Variants in HSP90B1 observed in about 807,000 individuals in gnomAD.
HSP90B1 encodes the protein endoplasmin.
HSP90B1 carries 27 observed loss-of-function variants against 100.4 expected under a neutral mutation model. The ratio of observed to expected loss-of-function variants is 0.27; its 90% CI spans 0.20 to 0.37. The LOEUF is 0.37. HSP90B1 is among the 10% of genes least tolerant of loss of function. HSP90B1 has a pLI of 1.00. For missense variants in HSP90B1, 678 were observed against 960.5 expected (o/e 0.71, Z 3.89); for synonymous variants, 304 against 330.8 (o/e 0.92, Z 0.88).
intron 12 of HSP90B1, 67 bp downstream of exon 12, chr12:103,942,863 G>A: frequency 6.4e-7 from 1 of 1,567,052 alleles, no homozygotes; most frequent in Non-Finnish European, 8.7e-7. Context: ...GCCAACTCTT[G>A]AGGGGGAGAA....
At chr12:103,945,328 A>G (rs1870195208) in intron 14 of HSP90B1, among the ~76,000 whole-genome samples, 1 of 152,148 alleles carries the variant, frequency 6.6e-6, no homozygotes, top group African/African-American at 2.4e-5. Context: ...AAAAAGAGGA[A>G]AAAAAGCAAG....
Position 103,941,873 on chromosome 12 carries a change from T to A in HSP90B1, c.1350T>A (p.Thr450=). 6.2e-7 allele frequency: 1 copy of A among 1,613,954 alleles called. No individual in the cohort carries two copies. The highest frequency in any genetic ancestry group is 8.5e-7 in the Non-Finnish European group (1 of 1,179,836). The stretch of plus-strand genomic sequence containing the variant: ...TCCCCTTGAATGTTTCCCGCGAGAC[T>A]CTTCAGCAACATAAACTGCTTAAGG... The part of the protein sequence containing the change: ...DDLPLNVSRE[T]LQQHKLLKVI... The change falls in exon 11 of 18, where the codon ACT becomes ACA. Residue 450 remains threonine, a synonymous_variant. Coordinates refer to ENST00000299767, the MANE Select transcript of HSP90B1 (RefSeq NM_003299.3).
Position 103,943,323 on chromosome 12 carries a change from C to T in HSP90B1, c.1890+4C>T, listed in dbSNP as rs2136216801. 6.2e-7 allele frequency: 1 copy of T among 1,612,064 alleles called. No homozygotes were observed. The highest frequency in any genetic ancestry group is 8.5e-7 in the Non-Finnish European group (1 of 1,179,022). ...AGATAAAGCCCTTAAGGACAAGGTA[C>T]TGTGGAAATTACAAATTGTGGAAAT... On this transcript the variant is annotated splice_donor_region_variant and intron_variant, in intron 13 of 17. Transcript: ENST00000299767. This position sits in a 1 kb window ranked among gnomAD's most constrained non-coding sequence, Gnocchi z 5.3.
rs1869790183 is a variant in HSP90B1, at chr12:103,932,290, A to G, written c.166A>G (p.Ile56Val). 1.2e-6 allele frequency: 2 copies of G among 1,610,752 alleles called. No individual in the cohort carries two copies. The highest frequency in any genetic ancestry group is 1.1e-5 in the South Asian group (1 of 90,310). Reference sequence around the variant, plus strand: ...TGATTTCCTTAGAGAGGAAGAAGCTATTCAGTTGGATGGATTAAATGCATC... The same window carrying G: ...TGATTTCCTTAGAGAGGAAGAAGCTGTTCAGTTGGATGGATTAAATGCATC... The part of the protein sequence containing the change: ...DEVVQREEEA[I>V]QLDGLNASQI... The change falls in exon 3 of 18, where the codon ATT becomes GTT. Residue 56 changes from isoleucine (I) to valine (V), a missense_variant. Transcript: ENST00000299767.
rs996947731 is a variant in HSP90B1 at position 103,943,101 on chromosome 12, C to A, written c.1672C>A (p.Leu558Ile). Residue 558 changes from leucine to isoleucine, a missense_variant, in exon 13 of 18, where the codon CTT becomes ATT. This residue lies in a region of HSP90B1 where 170 missense variants were observed against 236.7 expected (regional missense o/e 0.72). Transcript: ENST00000299767. This position sits in a 1 kb window ranked among gnomAD's most constrained non-coding sequence, Gnocchi z 5.3. ...TGAATCTTCTCCATTTGTTGAGCGACTTCTGAAAAAGGGCTATGAAGTTAT... is the reference window on the plus strand; with the variant it reads ...TGAATCTTCTCCATTTGTTGAGCGAATTCTGAAAAAGGGCTATGAAGTTAT... Reference protein sequence around the residue: ...EAESSPFVERLLKKGYEVIYL... With the variant: ...EAESSPFVERILKKGYEVIYL... The A allele has an allele frequency of 6.2e-7, 1 of 1,614,042 alleles. No homozygotes were observed. The highest frequency in any genetic ancestry group is 8.5e-7 in the Non-Finnish European group (1 of 1,179,966).
intron 14 of HSP90B1, among the ~76,000 whole-genome samples, chr12:103,944,700 G>A (rs552697766): frequency 1.2e-4 from 18 of 152,174 alleles, no homozygotes; most frequent in African/African-American, 4.3e-4. Context: ...GGGATTACAG[G>A]CACCTGTCAG....
At position 103,937,812 on chromosome 12, in the gene HSP90B1, T is replaced by G. The variant is rs1869959470; in HGVS notation, c.855+6T>G. On this transcript the variant is annotated splice_donor_region_variant and intron_variant, in intron 6 of 17. Coordinates refer to ENST00000299767, the MANE Select transcript of HSP90B1 (RefSeq NM_003299.3). ...TTTATGTATGGAGCAGCAAGGTAAA[T>G]CTATATTGATTAAAAACTTATATGT... is the stretch of plus-strand genomic sequence containing the variant. 7.4e-7 allele frequency: 1 copy of G among 1,343,362 alleles called. No homozygotes were observed. Among genetic ancestry groups the G allele is most frequent in the Admixed American group, 1.8e-5 (1 of 55,778 alleles). The allele number at this position is 1,343,362 out of a possible 1,614,324, so 83.2% of individuals were successfully genotyped here.
In HSP90B1 at chr12:103,931,533, C is replaced by T. The variant is rs769897961; in HGVS notation, c.62C>T (p.Ala21Val). 6 of 1,613,068 alleles carry T rather than the reference C, an allele frequency of 3.7e-6. No homozygotes were observed. The change falls in exon 2 of 18, where the codon GCT (alanine) becomes GTT (valine). Residue 21 changes from alanine (A) to valine (V), a missense_variant. Around this residue, in one of 8 missense-constraint regions of HSP90B1, gnomAD observed 88 missense variants for 88.2 expected, o/e 1.00. Coordinates refer to ENST00000299767, the MANE Select transcript of HSP90B1 (RefSeq NM_003299.3). ...CVLLTFGSVR[A>V]DDEVDVDGTV... Reference sequence around the variant, plus strand: ...GTTAAATCTTCAGGGTCGGTCAGAGCTGACGATGAAGTTGATGTGGATGGT... The same window carrying T: ...GTTAAATCTTCAGGGTCGGTCAGAGTTGACGATGAAGTTGATGTGGATGGT...
At chr12:103,937,858 A>G (rs1050648624) in intron 6 of HSP90B1, 52 bp downstream of exon 6, 3 of 922,190 alleles carry the variant, frequency 3.3e-6, no homozygotes, top group Non-Finnish European at 5.1e-6. Context: ...CACGTATTTA[A>G]ATATTCAACA....
At position 103,934,133 on chromosome 12, in the gene HSP90B1, G is replaced by T; in HGVS notation, c.589G>T (p.Val197Phe). 1 of 1,614,232 alleles carries T rather than the reference G, an allele frequency of 6.2e-7. No homozygotes were observed. The highest frequency in any genetic ancestry group is 8.5e-7 in the Non-Finnish European group (1 of 1,180,046). Residue 197 changes from valine (V) to phenylalanine (F), a missense_variant, in exon 5 of 18, where the codon GTC becomes TTC. Transcript: ENST00000299767. ...TTCTGAATTGATTGGCCAGTTTGGT[G>T]TCGGTTTCTATTCCGCCTTCCTTGT... ...STSELIGQFG[V>F]GFYSAFLVAD...
intron 14 of HSP90B1, among the ~76,000 whole-genome samples, chr12:103,945,908 ACCCTGTCT>A (rs1870212798): frequency 6.6e-6 from 1 of 151,488 alleles, no homozygotes; most frequent in South Asian, 2.1e-4. Context: ...ATATAGTGAT[ACCCTGTCT>A]CTATAAAAAC....
chr12:103,939,364 A>G, intron 7 of HSP90B1, 145 bp from the exon 8 acceptor site: 1 of 366,440 alleles, frequency 2.7e-6, no homozygotes, highest in Non-Finnish European at 4.7e-6. Flanking sequence ...TAACCTCCCA[A>G]AGTGCTAGGA....
In HSP90B1 at chr12:103,943,894, T is replaced by C; in HGVS notation, c.2027+20T>C. 6.2e-7 allele frequency: 1 copy of C among 1,608,350 alleles called. No individual in the cohort carries two copies. The highest frequency in any genetic ancestry group is 1.1e-5 in the South Asian group (1 of 90,348). On this transcript the variant is annotated intron_variant, in intron 14 of 17. Transcript: ENST00000299767. This position sits in a 1 kb window ranked among gnomAD's most constrained non-coding sequence, Gnocchi z 5.3. Reference sequence around the variant, plus strand: ...TACAAAGTAAGCATCCTCGGGAAAGTCCCTGCCAGGGCGTTGCCCCTTACC... The same window carrying C: ...TACAAAGTAAGCATCCTCGGGAAAGCCCCTGCCAGGGCGTTGCCCCTTACC...
rs1437151718 is a variant in HSP90B1, at chr12:103,930,592, C to T, written c.49+28C>T. ...GAGTGATTCTGGAGGAGCAGACGTC[C>T]CCCCTCCACACACGCGGCCGCTTCT... On this transcript the variant is annotated intron_variant, in intron 1 of 17. Transcript: ENST00000299767. The surrounding 1 kb of genome is among the most constrained non-coding windows in gnomAD (Gnocchi z 4.4). 2 of 1,595,552 alleles carry T rather than the reference C, an allele frequency of 1.3e-6. No homozygotes were observed. The highest frequency in any genetic ancestry group is 2.3e-5 in the South Asian group (2 of 88,196).
intron 14 of HSP90B1, 136 bp downstream of exon 14, chr12:103,944,010 A>C: frequency 1.5e-6 from 1 of 687,836 alleles, no homozygotes. Flanking sequence ...GTAGACAACA[A>C]GTTTACGAAG....
At chr12:103,946,763 T>G in intron 15 of HSP90B1, 23 bp from the exon 16 acceptor site, 1 of 1,613,710 alleles carries the variant, frequency 6.2e-7, no homozygotes, top group Non-Finnish European at 8.5e-7. Flanking sequence ...AATATTAATC[T>G]AGTGCATCTT....
At position 103,932,273 on chromosome 12, in the gene HSP90B1, T is replaced by A; in HGVS notation, c.153-4T>A. ...ATATTTGCTTACCTAACTGATTTCC[T>A]TAGAGAGGAAGAAGCTATTCAGTTG... is the stretch of plus-strand genomic sequence containing the variant. On this transcript the variant is annotated splice_polypyrimidine_tract_variant and splice_region_variant and intron_variant, in intron 2 of 17. Transcript: ENST00000299767. 6.2e-7 allele frequency: 1 copy of A among 1,604,802 alleles called. No individual in the cohort carries two copies. Among genetic ancestry groups the A allele is most frequent in the Non-Finnish European group, 8.5e-7 (1 of 1,176,508 alleles).
intron 14 of HSP90B1, among the ~76,000 whole-genome samples, chr12:103,944,574 C>T (rs1018311774): frequency 6.6e-6 from 1 of 151,126 alleles, no homozygotes; most frequent in African/African-American, 2.4e-5. Context: ...TTTTTTCCCC[C>T]GAGACAGAGT....
Position 103,947,895 on chromosome 12 carries a change from CAT to C in HSP90B1, c.*234_*235del, listed in dbSNP as rs1176312607. The C allele has an allele frequency of 4.0e-5, 21 of 529,200 alleles. No individual in the cohort carries two copies. Among genetic ancestry groups the C allele is most frequent in the African/African-American group, 3.7e-4 (19 of 51,620 alleles). The allele number at this position is 529,200 out of a possible 1,614,324, so 32.8% of individuals were successfully genotyped here. A position where few individuals can be genotyped will look rare whatever the true frequency, so the allele number is the denominator to read the frequency against. On this transcript the variant is annotated 3_prime_UTR_variant, in exon 18 of 18. Coordinates refer to ENST00000299767, the MANE Select transcript of HSP90B1 (RefSeq NM_003299.3). ...GACTATTCTTGATGTAAAATCTTGT[CAT>C]GTGTATAAAAATAAAAAAGATCCCA...
Sources: gnomAD v4.1 joint callset for allele counts (sites outside exome capture counted in the v4.1 genomes callset) on GRCh38, gnomAD v4.1.1 for gene constraint, gnomAD v4.1.1 regional missense constraint, Gnocchi (gnomAD v3.1) non-coding constraint, MANE v1.5 for transcripts, NCBI Gene and HGNC (gene_info 2026-07-23, HGNC 2026-07-21) for gene names.